The following BRD8 variants were observed in gnomAD, a reference collection of about 807,000 sequenced individuals.
BRD8 encodes the protein bromodomain-containing protein 8.
A neutral mutation model predicts 143.1 loss-of-function variants in BRD8; 67 were observed. The ratio of observed to expected loss-of-function variants is 0.47; its 90% confidence interval spans 0.38 to 0.57. The LOEUF (loss-of-function observed/expected upper bound fraction) is 0.57, where lower values mean the gene tolerates loss of function less well. Among genes scored for constraint, BRD8 ranks in the 20% least tolerant of loss-of-function variants. BRD8 has a pLI of 0.00. For synonymous variants in BRD8, 505 were observed against 517.1 expected (o/e 0.98, Z 0.32); for missense variants, 1,103 against 1,503.0 (o/e 0.73, Z 4.40).
chr5:138,176,708 G>T (rs1339303083), intron 2 of BRD8, among the ~76,000 whole-genome samples: 1 of 152,044 alleles, frequency 6.6e-6, no homozygotes, highest in African/African-American at 2.4e-5. Flanking sequence ...TGTGGTGATG[G>T]TTGCACAACT....
At chr5:138,159,312 T>C (rs1195163557) in intron 20 of BRD8, among the ~76,000 whole-genome samples, 1 of 151,966 alleles carries the variant, frequency 6.6e-6, no homozygotes, top group African/African-American at 2.4e-5. Context: ...CCTAGATCCT[T>C]CACCCCTAGA....
Position 138,140,050 on chromosome 5 carries a change from A to AAT in BRD8, c.*23_*24insAT, listed in dbSNP as rs1554090943. Reference sequence around the variant, plus strand: ...TTCCGGGAGAGATTCAAACTCTAGAAAAAGTCAGGATAGCAGCTCCAGGTT... The same window carrying AAT: ...TTCCGGGAGAGATTCAAACTCTAGAAATAAAGTCAGGATAGCAGCTCCAGGTT... On this transcript the variant is annotated 3_prime_UTR_variant, in exon 27 of 27. Coordinates refer to ENST00000254900, the MANE Select transcript of BRD8 (RefSeq NM_139199.2). 1.3e-6 allele frequency: 2 copies of AAT among 1,580,100 alleles called. No homozygotes were observed. The highest frequency in any genetic ancestry group is 1.7e-6 in the Non-Finnish European group (2 of 1,149,140).
chr5:138,146,218 C>T (rs1310981901), intron 23 of BRD8, among the ~76,000 whole-genome samples: 1 of 151,926 alleles, frequency 6.6e-6, no homozygotes, highest in Non-Finnish European at 1.5e-5. Flanking sequence ...CCACCACACC[C>T]AACTAATTTT....
At chr5:138,167,326 T>G (rs1170892120) in intron 9 of BRD8, among the ~76,000 whole-genome samples, 1 of 152,076 alleles carries the variant, frequency 6.6e-6, no homozygotes, top group African/African-American at 2.4e-5. Context: ...GGAAAATTAA[T>G]CACCAAGAAA....
At chr5:138,164,667 C>G (rs757165766) in intron 12 of BRD8, 47 bp downstream of exon 12, 1 of 1,589,828 alleles carries the variant, frequency 6.3e-7, no homozygotes, top group Admixed American at 1.8e-5. Context: ...CACTTCTTAT[C>G]TAAGGTATAA....
At chr5:138,161,282 GT>G (rs1013622782) in intron 17 of BRD8, 39 of 417,126 alleles carry the variant, frequency 9.3e-5, no homozygotes, top group South Asian at 2.3e-4. Context: ...GTTTATTTAG[GT>G]TTTTTTTGGA....
Position 138,171,476 on chromosome 5 carries a change from G to A in BRD8, c.187-66C>T, listed in dbSNP as rs114678212. 1.7e-5 allele frequency: 18 copies of A among 1,042,904 alleles called. No homozygotes were observed. The African/African-American group carries it at 2.4e-4, about 14-fold the overall frequency. The allele number at this position is 1,042,904 out of a possible 1,614,324, so 64.6% of individuals were successfully genotyped here. A position where few individuals can be genotyped will look rare whatever the true frequency, so the allele number is the denominator to read the frequency against. On this transcript the variant is annotated intron_variant, in intron 3 of 26. Coordinates refer to ENST00000254900, the MANE Select transcript of BRD8 (RefSeq NM_139199.2). ...GGCTGGAAAGAAATGACCTTTCAAA[G>A]TTTCAAGAGATTAGAGTAAGATTTA... is the stretch of plus-strand genomic sequence containing the variant.
intron 8 of BRD8, chr5:138,168,562 T>C (rs750969133): frequency 6.2e-7 from 1 of 1,609,840 alleles, no homozygotes; most frequent in East Asian, 2.2e-5. Context: ...CCAAGCATCT[T>C]TTTCTGGGGT....
intron 8 of BRD8, chr5:138,168,326 T>C (rs1011125954): frequency 2.8e-6 from 2 of 710,162 alleles, no homozygotes; most frequent in Non-Finnish European, 4.8e-6. Context: ...ATCAACTTAC[T>C]GTATTTTTAA....
rs1159548839 is a variant in BRD8 at position 138,171,142 on chromosome 5, C to A, written c.255G>T (p.Lys85Asn). The change falls in exon 5 of 27, where the codon AAG becomes AAT. Residue 85 changes from lysine (K) to asparagine (N), a missense_variant. Lys to Asn is a moderately conservative substitution (Grantham distance 94). Around this residue, in one of 7 missense-constraint regions of BRD8, gnomAD observed 69 missense variants for 121.6 expected, o/e 0.57. Transcript: ENST00000254900. Reference protein sequence around the residue: ...TETPKRKRGEKGEVVETVEDV... With the variant: ...TETPKRKRGENGEVVETVEDV... ...CTTCAACAGTTTCCACCACTTCTCC[C>A]TTTTCACCTCGTTTCCGTCTGTGGA... 5 of 1,612,168 alleles carry A rather than the reference C, an allele frequency of 3.1e-6. No individual in the cohort carries two copies. The highest frequency in any genetic ancestry group is 1.1e-5 in the South Asian group (1 of 90,310).
chr5:138,140,053 A>C lies in BRD8; in HGVS notation c.*21T>G, dbSNP rs1452523104. 6.3e-7 allele frequency: 1 copy of C among 1,586,076 alleles called. No homozygotes were observed. The highest frequency in any genetic ancestry group is 8.7e-7 in the Non-Finnish European group (1 of 1,154,394). On this transcript the variant is annotated 3_prime_UTR_variant, in exon 27 of 27. Transcript: ENST00000254900. ...CGGGAGAGATTCAAACTCTAGAAAA[A>C]GTCAGGATAGCAGCTCCAGGTTAGA...
intron 23 of BRD8, among the ~76,000 whole-genome samples, chr5:138,148,984 T>C (rs1174684500): frequency 5.3e-5 from 8 of 151,542 alleles, no homozygotes; most frequent in African/African-American, 1.9e-4. Context: ...GAGGATCCCT[T>C]GAGTTCAGGA....
chr5:138,173,870 GT>G (rs1754090832), intron 2 of BRD8, among the ~76,000 whole-genome samples: 1 of 152,106 alleles, frequency 6.6e-6, no homozygotes, highest in Non-Finnish European at 1.5e-5. Flanking sequence ...TTTTTTTATA[GT>G]TTTGTCATAT....
chr5:138,166,793 C>T, intron 9 of BRD8, 66 bp from the exon 10 acceptor site: 2 of 950,750 alleles, frequency 2.1e-6, no homozygotes, highest in Non-Finnish European at 1.7e-6. Flanking sequence ...GCAATAGCTA[C>T]TTGAAGACTC....
In BRD8 at chr5:138,139,844, G is replaced by A. The variant is rs567621298; in HGVS notation, c.*230C>T. On this transcript the variant is annotated 3_prime_UTR_variant, in exon 27 of 27. Transcript: ENST00000254900. ...AATGGAATTGTCTTTAAATCAAGCC[G>A]ATGGAACAAAGATGTGGGCAACATT... is the stretch of plus-strand genomic sequence containing the variant. 2.4e-5 allele frequency: 12 copies of A among 500,418 alleles called. No homozygotes were observed. Among genetic ancestry groups the A allele is most frequent in the East Asian group, 2.2e-4 (7 of 32,494 alleles). 31.0% of individuals were successfully genotyped at this position (500,418 alleles called of 1,614,324 possible).
intron 25 of BRD8, among the ~76,000 whole-genome samples, chr5:138,143,963 G>T (rs1752027363): frequency 6.6e-6 from 1 of 152,174 alleles, no homozygotes; most frequent in Non-Finnish European, 1.5e-5. Context: ...CCACACTGTG[G>T]AGGCTTTGTT....
rs370985949 is a variant in BRD8 at position 138,149,764 on chromosome 5, G to C, written c.3154C>G (p.Gln1052Glu). Residue 1052 changes from glutamine (Q) to glutamate (E), a missense_variant, in exon 23 of 27, where the codon CAG becomes GAG. Transcript: ENST00000254900. ...EAQQESKGED[Q>E]GEVYVSEMED... ...ATCTCTGACACATATACTTCACCCT[G>C]GTCCTCCCCTTTGGATTCTTGCTGA... 6.2e-7 allele frequency: 1 copy of C among 1,610,544 alleles called. No individual in the cohort carries two copies. Among genetic ancestry groups the C allele is most frequent in the African/African-American group, 1.3e-5 (1 of 74,746 alleles).
intron 2 of BRD8, among the ~76,000 whole-genome samples, chr5:138,174,952 C>T (rs1156758799): frequency 1.3e-5 from 2 of 150,516 alleles, no homozygotes; most frequent in African/African-American, 2.4e-5. Flanking sequence ...TGCAGTGGCA[C>T]GATCTCAAAT....
Position 138,152,369 on chromosome 5 carries a change from G to A in BRD8, c.2856+113C>T, listed in dbSNP as rs182264539. The A allele has an allele frequency of 9.3e-4, 1,314 of 1,405,904 alleles. 2 individuals are homozygous for A. Among genetic ancestry groups the A allele is most frequent in the Admixed American group, 2.2e-3 (103 of 47,006 alleles). 87.1% of individuals were successfully genotyped at this position (1,405,904 alleles called of 1,614,324 possible). A position where few individuals can be genotyped will look rare whatever the true frequency, so the allele number is the denominator to read the frequency against. ...AGCAATGAACTTAATCCCTGCCACT[G>A]TGGAGCTTATATTTTAGTAAACAAT... On this transcript the variant is annotated intron_variant, in intron 21 of 26. Transcript: ENST00000254900.
Sources: gnomAD v4.1 joint callset for allele counts (sites outside exome capture counted in the v4.1 genomes callset) on GRCh38, gnomAD v4.1.1 for gene constraint, gnomAD v4.1.1 regional missense constraint, MANE v1.5 for transcripts, NCBI Gene and HGNC (gene_info 2026-07-23, HGNC 2026-07-21) for gene names.